Variants in SGIP1 observed in about 807,000 individuals in gnomAD.
SGIP1 encodes SH3GL interacting endocytic adaptor 1, also known as SH3-containing GRB2-like protein 3-interacting protein 1.
A neutral mutation model predicts 107.5 loss-of-function variants in SGIP1; 38 were observed. That is an observed-to-expected ratio of 0.35 (90% CI 0.27 to 0.46). The LOEUF is 0.46. SGIP1 is among the 20% of genes least tolerant of loss of function. SGIP1 has a pLI of 1.00. For synonymous variants in SGIP1, 365 were observed against 366.1 expected (o/e 1.00, Z 0.03); for missense variants, 929 against 1,019.5 (o/e 0.91, Z 1.21).
chr1:66,596,766 G>A (rs754952249), intron 1 of SGIP1, among the ~76,000 whole-genome samples: 1 of 151,598 alleles, frequency 6.6e-6, no homozygotes, highest in Non-Finnish European at 1.5e-5. Flanking sequence ...TTGGGTGAAG[G>A]GTATGTGGGG....
rs59060604 is a variant in SGIP1 at position 66,602,640 on chromosome 1, T to TAATAAATA, written c.11-23188_11-23181dup. 6.6e-3 allele frequency among the ~76,000 whole-genome samples: 988 copies of TAATAAATA among 150,632 alleles called. 11 individuals are homozygous for TAATAAATA. Among genetic ancestry groups the TAATAAATA allele is most frequent in the Middle Eastern group, 0.028 (8 of 290 alleles). On this transcript the variant is annotated intron_variant, in intron 1 of 24. Coordinates refer to ENST00000371037, the MANE Select transcript of SGIP1 (RefSeq NM_032291.4). ...ATGTACCCTAGAACTTAAAGTATAA[T>TAATAAATA]AATAAATAAATAAATAAATAAATAA...
intron 24 of SGIP1, 150 bp from the exon 25 acceptor site, chr1:66,742,923 A>C (rs1373694801): frequency 7.1e-6 from 5 of 706,472 alleles, no homozygotes; most frequent in Non-Finnish European, 1.2e-5. Context: ...TGATTTGGAA[A>C]CTTTATGTAT....
At chr1:66,703,717 A>T (rs1420590875) in intron 18 of SGIP1, among the ~76,000 whole-genome samples, 1 of 151,172 alleles carries the variant, frequency 6.6e-6, no homozygotes, top group South Asian at 2.1e-4. Flanking sequence ...TATCATATAT[A>T]TTATATATGA....
chr1:66,636,586 C>T (rs1477373199), intron 4 of SGIP1, among the ~76,000 whole-genome samples: 1 of 152,154 alleles, frequency 6.6e-6, no homozygotes, highest in Non-Finnish European at 1.5e-5. Flanking sequence ...ACTTCATAGC[C>T]ACTTGTGGCT....
chr1:66,744,000 G>A lies in SGIP1; in HGVS notation c.*905G>A, dbSNP rs2094520699. 1 of 152,084 alleles carries A rather than the reference G, an allele frequency of 6.6e-6. No homozygotes were observed. 9.4% of individuals were successfully genotyped at this position (152,084 alleles called of 1,614,324 possible). A position where few individuals can be genotyped will look rare whatever the true frequency, so the allele number is the denominator to read the frequency against. On this transcript the variant is annotated 3_prime_UTR_variant, in exon 25 of 25. Coordinates refer to ENST00000371037, the MANE Select transcript of SGIP1 (RefSeq NM_032291.4). ...TTCAAGACTTTCCGTAGTTGAACTG[G>A]TTAAGAATTTTTGCTTAGTTACTCT...
At chr1:66,589,163 CATATATATATATATATATATATATAT>C (rs55788345) in intron 1 of SGIP1, among the ~76,000 whole-genome samples, 1,849 of 69,844 alleles carry the variant, frequency 0.026, 119 homozygotes, top group African/African-American at 0.088. Flanking sequence ...TAAAAGTTTA[CATATATATATATATATATATATATAT>C]ATATATATAT....
chr1:66,569,161 G>C (rs759516316), intron 1 of SGIP1, among the ~76,000 whole-genome samples: 2 of 151,930 alleles, frequency 1.3e-5, no homozygotes, highest in African/African-American at 2.4e-5. Context: ...TTGAGAATGA[G>C]GTACCCAGAG....
At chr1:66,656,916 C>T (rs2079909501) in intron 7 of SGIP1, among the ~76,000 whole-genome samples, 1 of 152,038 alleles carries the variant, frequency 6.6e-6, no homozygotes, top group Non-Finnish European at 1.5e-5. Context: ...GCCTATAATC[C>T]CAGTGCTTTG....
intron 1 of SGIP1, among the ~76,000 whole-genome samples, chr1:66,601,538 A>T (rs2065833342): frequency 6.6e-6 from 1 of 152,086 alleles, no homozygotes; most frequent in East Asian, 1.9e-4. Context: ...TGTGTGAGAG[A>T]GAGAGAGAGA....
At chr1:66,586,693 A>G (rs1029386414) in intron 1 of SGIP1, among the ~76,000 whole-genome samples, 3 of 152,100 alleles carry the variant, frequency 2.0e-5, no homozygotes, top group African/African-American at 7.2e-5. Flanking sequence ...ATTTTTGCAT[A>G]AACAACCAAA....
intron 1 of SGIP1, among the ~76,000 whole-genome samples, chr1:66,608,280 C>G (rs867305509): frequency 6.6e-6 from 1 of 152,242 alleles, no homozygotes; most frequent in South Asian, 2.1e-4. Context: ...TAGCTTACAG[C>G]TAGCTCTTCT....
chr1:66,562,254 A>G (rs1353696355), intron 1 of SGIP1, among the ~76,000 whole-genome samples: 1 of 152,032 alleles, frequency 6.6e-6, no homozygotes, highest in Non-Finnish European at 1.5e-5. Context: ...TAGACTCTGC[A>G]CAACAGCTAG....
At chr1:66,668,413 T>C (rs1452591898) in intron 9 of SGIP1, among the ~76,000 whole-genome samples, 1 of 152,068 alleles carries the variant, frequency 6.6e-6, no homozygotes, top group Non-Finnish European at 1.5e-5. Context: ...ATGGTCTTAA[T>C]CTCCTGACCT....
intron 18 of SGIP1, among the ~76,000 whole-genome samples, chr1:66,704,117 A>G (rs2092278965): frequency 1.3e-5 from 2 of 151,938 alleles, no homozygotes; most frequent in Non-Finnish European, 2.9e-5. Context: ...CTGTTGTCCA[A>G]CTTCATGCAT....
chr1:66,571,170 AG>A (rs1421892871), intron 1 of SGIP1, among the ~76,000 whole-genome samples: 1 of 152,060 alleles, frequency 6.6e-6, no homozygotes, highest in Non-Finnish European at 1.5e-5. Flanking sequence ...AAAAGGTAGA[AG>A]AAAATGTTAA....
intron 19 of SGIP1, among the ~76,000 whole-genome samples, chr1:66,723,759 A>G (rs1298011109): frequency 6.6e-6 from 1 of 152,212 alleles, no homozygotes; most frequent in African/African-American, 2.4e-5. Context: ...TTTTTTAAAC[A>G]ATGAGTTCTT....
In SGIP1 at chr1:66,690,561, A is replaced by G. The variant is rs538145806; in HGVS notation, c.1570+245A>G. The G allele has an allele frequency of 1.8e-5, 7 of 379,990 alleles. No individual in the cohort carries two copies. In the East Asian group the frequency reaches 2.6e-4, roughly 14 times the overall value. The allele number at this position is 379,990 out of a possible 1,614,324, so 23.5% of individuals were successfully genotyped here. A position where few individuals can be genotyped will look rare whatever the true frequency, so the allele number is the denominator to read the frequency against. ...TGCAGGAATTTTCTTATGCTGTTCC[A>G]TACAGAGCTATTCAAAAAATAAGTA... On this transcript the variant is annotated intron_variant, in intron 17 of 24. Transcript: ENST00000371037.
chr1:66,565,071 G>A (rs574388899), intron 1 of SGIP1, among the ~76,000 whole-genome samples: 1 of 152,034 alleles, frequency 6.6e-6, no homozygotes, highest in South Asian at 2.1e-4. Flanking sequence ...TGTAAAACCA[G>A]GACCCCCTGA....
rs903148171 is a variant in SGIP1, at chr1:66,691,298, G to T, written c.1570+982G>T. ...GTCTGCCCAGTTGCCTATGTGAGAAGTAGCTTGATCAAAGCCTGAAGCTCT... is the reference window on the plus strand; with the variant it reads ...GTCTGCCCAGTTGCCTATGTGAGAATTAGCTTGATCAAAGCCTGAAGCTCT... On this transcript the variant is annotated intron_variant, in intron 17 of 24. Transcript: ENST00000371037. 2.0e-5 allele frequency among the ~76,000 whole-genome samples: 3 copies of T among 152,158 alleles called. No homozygotes were observed. The East Asian group carries it at 5.8e-4, about 29-fold the overall frequency.
Sources: gnomAD v4.1 joint callset for allele counts (sites outside exome capture counted in the v4.1 genomes callset) on GRCh38, gnomAD v4.1.1 for gene constraint, MANE v1.5 for transcripts, NCBI Gene and HGNC (gene_info 2026-07-23, HGNC 2026-07-21) for gene names.